ENTPD3: variants seen among roughly 807,000 people sequenced by gnomAD.
ENTPD3 encodes ectonucleoside triphosphate diphosphohydrolase 3, also known as CD39 antigen-like 3.
ENTPD3 carries 60 observed loss-of-function variants against 51.2 expected under a neutral mutation model. The ratio of observed to expected loss-of-function variants is 1.17; its 90% CI spans 0.95 to 1.45. The LOEUF is 1.45. Ranked by LOEUF, ENTPD3 falls within the 40% of genes most tolerant of loss-of-function variation. The pLI, the probability that ENTPD3 is intolerant of heterozygous loss-of-function variation, is 0.00. For missense variants in ENTPD3, 593 were observed against 641.1 expected (o/e 0.93, Z 0.81); for synonymous variants, 221 against 238.4 (o/e 0.93, Z 0.67).
chr3:40,388,104 A>G lies in ENTPD3; in HGVS notation c.40+7A>G. ...CAACCATGTGAGCAAGCAGGTTAGT[A>G]TCTCTCAGCAGGTAGCAAGCGTGGT... On this transcript the variant is annotated splice_region_variant and intron_variant, in intron 2 of 10. Coordinates refer to ENST00000301825, the MANE Select transcript of ENTPD3 (RefSeq NM_001248.4). 1.9e-6 allele frequency: 3 copies of G among 1,614,128 alleles called. No individual in the cohort carries two copies. The highest frequency in any genetic ancestry group is 1.7e-6 in the Non-Finnish European group (2 of 1,180,004).
intron 9 of ENTPD3, 29 bp from the exon 10 acceptor site, chr3:40,423,797 C>A: frequency 6.2e-7 from 1 of 1,610,100 alleles, no homozygotes; most frequent in South Asian, 1.1e-5. Flanking sequence ...CCTGCCTGCC[C>A]TGCCTCTCAG....
chr3:40,414,879 T>G, intron 6 of ENTPD3, 39 bp downstream of exon 6: 4 of 1,607,498 alleles, frequency 2.5e-6, no homozygotes, highest in Non-Finnish European at 3.4e-6. Context: ...ATCTTACTGT[T>G]TATCCTATCC....
At chr3:40,391,655 G>A (rs1378041828) in intron 2 of ENTPD3, 27 of 236,734 alleles carry the variant, frequency 1.1e-4, no homozygotes, top group South Asian at 7.8e-4. Flanking sequence ...TAACCTGGGC[G>A]ATAGAGTGAG....
chr3:40,403,748 G>T (rs1955426468), intron 4 of ENTPD3, among the ~76,000 whole-genome samples: 1 of 151,778 alleles, frequency 6.6e-6, no homozygotes, highest in Admixed American at 6.6e-5. Context: ...GACTTCCTGG[G>T]TTCAAGCAGT....
intron 4 of ENTPD3, 53 bp from the exon 5 acceptor site, chr3:40,411,759 C>T (rs2125602367): frequency 6.6e-7 from 1 of 1,506,280 alleles, no homozygotes; most frequent in South Asian, 1.4e-5. Context: ...AAAGTTGTAT[C>T]ACTGCGATTG....
At chr3:40,402,252 G>A (rs955798686) in intron 4 of ENTPD3, among the ~76,000 whole-genome samples, 12 of 149,900 alleles carry the variant, frequency 8.0e-5, no homozygotes, top group East Asian at 2.0e-4. Context: ...CCAAGTAGCC[G>A]GGATTACAGG....
At position 40,411,799 on chromosome 3, in the gene ENTPD3, G is replaced by A. The variant is rs750542381; in HGVS notation, c.287-13G>A. On this transcript the variant is annotated splice_polypyrimidine_tract_variant and intron_variant, in intron 4 of 10. Coordinates refer to ENST00000301825, the MANE Select transcript of ENTPD3 (RefSeq NM_001248.4). ...CTGGAAATGCTGACAGATGCTGACT[G>A]CTTGCTTTTCAGGCTCTGGAATCTC... 2.9e-5 allele frequency: 46 copies of A among 1,570,744 alleles called. No homozygotes were observed. Among genetic ancestry groups the A allele is most frequent in the Non-Finnish European group, 3.8e-5 (44 of 1,157,806 alleles).
chr3:40,392,180 A>G, intron 3 of ENTPD3, 30 bp downstream of exon 3: 1 of 1,609,788 alleles, frequency 6.2e-7, no homozygotes, highest in Non-Finnish European at 8.5e-7. Flanking sequence ...CAACAAAGGG[A>G]AGAAATGAGC....
At position 40,424,117 on chromosome 3, in the gene ENTPD3, G is replaced by C. The variant is rs1955938212; in HGVS notation, c.1353+154G>C. The C allele has an allele frequency of 7.1e-6, 7 of 985,364 alleles. No homozygotes were observed. The South Asian group carries it at 2.8e-4, about 40-fold the overall frequency. The allele number at this position is 985,364 out of a possible 1,614,324, so 61.0% of individuals were successfully genotyped here. On this transcript the variant is annotated intron_variant, in intron 10 of 10. Transcript: ENST00000301825. ...GATCCCTTGTGAGTTTCCCAGAAGA[G>C]GTCATGGAGAATTTAGAAGAGTTGC...
intron 1 of ENTPD3, 197 bp from the exon 2 acceptor site, chr3:40,387,849 A>G: frequency 1.8e-6 from 1 of 557,292 alleles, no homozygotes; most frequent in Non-Finnish European, 3.2e-6. Flanking sequence ...ATTTCCTTTC[A>G]TTTGGGGAGA....
intron 7 of ENTPD3, among the ~76,000 whole-genome samples, chr3:40,420,854 C>T (rs530903829): frequency 6.6e-6 from 1 of 152,032 alleles, no homozygotes; most frequent in African/African-American, 2.4e-5. Flanking sequence ...ATGTCTGAGT[C>T]AAGATTTTAC....
intron 7 of ENTPD3, 24 bp downstream of exon 7, chr3:40,416,097 TG>T (rs757201619): frequency 7.6e-6 from 12 of 1,578,240 alleles, no homozygotes; most frequent in Non-Finnish European, 1.0e-5. Context: ...GGGTAGGGGG[TG>T]GCAGGTGTTC....
chr3:40,388,963 T>C (rs188827775), intron 2 of ENTPD3, among the ~76,000 whole-genome samples: 15 of 152,322 alleles, frequency 9.8e-5, no homozygotes, highest in African/African-American at 3.4e-4. Context: ...CCCCCATGGA[T>C]AGACATTCTT....
intron 7 of ENTPD3, among the ~76,000 whole-genome samples, chr3:40,417,287 G>A (rs1257320592): frequency 6.6e-6 from 1 of 152,194 alleles, no homozygotes; most frequent in Non-Finnish European, 1.5e-5. Context: ...ATAAAGAAAA[G>A]AGGTTTGTTT....
rs1955571177 is a variant in ENTPD3 at position 40,409,181 on chromosome 3, G to A, written c.287-2631G>A. On this transcript the variant is annotated intron_variant, in intron 4 of 10. Transcript: ENST00000301825. Reference sequence around the variant, plus strand: ...GCAGGAGAATCACTTGAACCTGGGAGGCGGAGGCTGTAGTGAGCCGAGATC... The same window carrying A: ...GCAGGAGAATCACTTGAACCTGGGAAGCGGAGGCTGTAGTGAGCCGAGATC... Among the ~76,000 whole-genome samples, 4 of 152,206 alleles carry A rather than the reference G, an allele frequency of 2.6e-5. No homozygotes were observed. In the South Asian group the frequency reaches 8.3e-4, roughly 32 times the overall value.
intron 10 of ENTPD3, among the ~76,000 whole-genome samples, chr3:40,426,813 C>T (rs535660019): frequency 7.9e-5 from 12 of 152,302 alleles, no homozygotes; most frequent in African/African-American, 2.9e-4. Context: ...AACATTTATA[C>T]ACCTAATAAA....
chr3:40,400,576 T>C (rs934391160), intron 3 of ENTPD3, among the ~76,000 whole-genome samples: 1 of 152,114 alleles, frequency 6.6e-6, no homozygotes, highest in Non-Finnish European at 1.5e-5. Flanking sequence ...GATGCCTGAG[T>C]CCACTCTCAG....
At chr3:40,423,985 T>A in intron 10 of ENTPD3, 22 bp downstream of exon 10, 1 of 1,613,966 alleles carries the variant, frequency 6.2e-7, no homozygotes, top group Non-Finnish European at 8.5e-7. Flanking sequence ...ACAAATCATT[T>A]TCTCTTCTTC....
chr3:40,399,298 TTC>T (rs1219770894), intron 3 of ENTPD3, among the ~76,000 whole-genome samples: 1 of 152,218 alleles, frequency 6.6e-6, no homozygotes, highest in East Asian at 1.9e-4. Flanking sequence ...TTGTTTTCTT[TTC>T]TGTTTTTCTT....
Sources: allele counts gnomAD v4.1 joint callset (sites outside exome capture counted in the v4.1 genomes callset), GRCh38; gene constraint gnomAD v4.1.1; transcripts MANE v1.5; gene names NCBI Gene and HGNC (gene_info 2026-07-23, HGNC 2026-07-21).